SSPN: variants seen among roughly 807,000 people sequenced by gnomAD.
SSPN encodes the protein K-ras oncogene-associated protein.
SSPN carries 15 observed loss-of-function variants against 19.1 expected under a neutral mutation model. That is an observed-to-expected ratio of 0.78 (90% CI 0.52 to 1.21). The LOEUF is 1.21. Ranked by LOEUF, SSPN falls within the 50% of genes most tolerant of loss-of-function variation. The pLI is 0.00. For synonymous variants in SSPN, 147 were observed against 140.3 expected (o/e 1.05, Z -0.34); for missense variants, 291 against 314.0 (o/e 0.93, Z 0.55).
At chr12:26,199,777 T>C (rs1944861935) in intron 1 of SSPN, among the ~76,000 whole-genome samples, 1 of 152,240 alleles carries the variant, frequency 6.6e-6, no homozygotes, top group Admixed American at 6.5e-5. Context: ...CCCTTCCTCA[T>C]TCAGTAACAT....
exon 1 of SSPN, chr12:26,122,109 G>A (rs2137384532): frequency 1.3e-6 from 2 of 1,549,672 alleles, no homozygotes; most frequent in Admixed American, 2.0e-5. Flanking sequence ...TTCCTGAGCA[G>A]AGCTCTCCGG....
intron 1 of SSPN, among the ~76,000 whole-genome samples, chr12:26,152,468 T>C (rs1944531474): frequency 1.3e-5 from 2 of 152,184 alleles, no homozygotes; most frequent in Non-Finnish European, 2.9e-5. Context: ...TTCCTGAAAA[T>C]TTAAGAACTG....
chr12:26,208,018 T>TGG (rs57868336), intron 1 of SSPN, among the ~76,000 whole-genome samples: 2,413 of 134,508 alleles, frequency 0.018, 32 homozygotes, highest in Non-Finnish European at 0.029. Context: ...GTGGTGGTGG[T>TGG]GGGGGGGGGG....
chr12:26,161,704 T>C lies in SSPN; in HGVS notation c.-31+39552T>C, dbSNP rs978102003. Among the ~76,000 whole-genome samples, 4 of 152,336 alleles carry C rather than the reference T, an allele frequency of 2.6e-5. No homozygotes were observed. In the East Asian group the frequency reaches 5.8e-4, roughly 22 times the overall value. On this transcript the variant is annotated intron_variant, in intron 1 of 2. Coordinates refer to the SSPN transcript ENST00000538142. ...TTTTTGGTACCAGGGACCAGTTTCA[T>C]GGAAGACAATTTTTCCAAAGACATG...
chr12:26,125,131 A>C, intron 1 of SSPN: 1 of 290,280 alleles, frequency 3.4e-6, no homozygotes, highest in South Asian at 2.9e-5. Flanking sequence ...GCGGGGGAGG[A>C]GGGGCCGGGC....
intron 1 of SSPN, chr12:26,122,373 G>A: frequency 1.4e-5 from 17 of 1,198,738 alleles, no homozygotes; most frequent in Non-Finnish European, 1.8e-5. Context: ...CGGGGCGGCA[G>A]CCGCCGCCGG....
At chr12:26,185,159 G>A (rs1944744732) in intron 1 of SSPN, among the ~76,000 whole-genome samples, 1 of 152,154 alleles carries the variant, frequency 6.6e-6, no homozygotes, top group Non-Finnish European at 1.5e-5. Flanking sequence ...AAATTTACAT[G>A]ATGTAGTCAA....
upstream of SSPN, among the ~76,000 whole-genome samples, chr12:26,193,142 G>A (rs1040912654): frequency 2.0e-5 from 3 of 152,132 alleles, no homozygotes; most frequent in African/African-American, 7.2e-5. Flanking sequence ...GTAATTCACT[G>A]TATTATAGAT....
chr12:26,137,654 ATATTTTTTTTTTTTTT>A lies in SSPN; in HGVS notation c.-31+15504_-31+15519del, dbSNP rs1160679578. 5.6e-4 allele frequency among the ~76,000 whole-genome samples: 31 copies of A among 55,036 alleles called. 3 individuals carry two copies. The highest frequency in any genetic ancestry group is 2.9e-3 in the African/African-American group (31 of 10,832). The allele number at this position is 55,036 out of a possible 152,430, so 36.1% of individuals were successfully genotyped here. A position where few individuals can be genotyped will look rare whatever the true frequency, so the allele number is the denominator to read the frequency against. On this transcript the variant is annotated intron_variant, in intron 1 of 2. Transcript: ENST00000538142. Reference sequence around the variant, plus strand: ...TGTGTATGTATATATATATATATATATATTTTTTTTTTTTTTTTTTTTTTTTTTGAGATGGAGTCTT... The same window carrying A: ...TGTGTATGTATATATATATATATATATTTTTTTTTTTTGAGATGGAGTCTT...
chr12:26,180,406 G>C (rs1169158955), intron 1 of SSPN: 1 of 152,128 alleles, frequency 6.6e-6, no homozygotes, highest in Admixed American at 6.5e-5. Flanking sequence ...TTAGGTGCTT[G>C]CAGAACATAG....
In SSPN at chr12:26,232,076, G is replaced by C; in HGVS notation, c.*1000G>C. On this transcript the variant is annotated 3_prime_UTR_variant, in exon 3 of 3. Transcript: ENST00000242729. ...AACAAAAACAAGAGCATTTGTAATA[G>C]GAAGTGTTTATACAAACAGCACATT... 3.0e-6 allele frequency: 3 copies of C among 985,392 alleles called. No individual in the cohort carries two copies. The highest frequency in any genetic ancestry group is 2.4e-6 in the Non-Finnish European group (2 of 829,920). 61.0% of individuals were successfully genotyped at this position (985,392 alleles called of 1,614,324 possible).
In SSPN at chr12:26,195,638, C is replaced by T; in HGVS notation, c.-35C>T. On this transcript the variant is annotated 5_prime_UTR_variant, in exon 1 of 3. Transcript: ENST00000242729. ...GCGCTCCAGGGCCCAGGGCGCCGCACACGCACCCACCCACCCACCCAGCCT... is the reference window on the plus strand; with the variant it reads ...GCGCTCCAGGGCCCAGGGCGCCGCATACGCACCCACCCACCCACCCAGCCT... 1 of 1,262,866 alleles carries T rather than the reference C, an allele frequency of 7.9e-7. No homozygotes were observed. Among genetic ancestry groups the T allele is most frequent in the Non-Finnish European group, 1.0e-6 (1 of 1,004,796 alleles). 78.2% of individuals were successfully genotyped at this position (1,262,866 alleles called of 1,614,324 possible).
At position 26,234,698 on chromosome 12, in the gene SSPN, T is replaced by A. The variant is rs1444455372; in HGVS notation, c.*3622T>A. 3 of 152,222 alleles carry A rather than the reference T, an allele frequency of 2.0e-5. No homozygotes were observed. Among genetic ancestry groups the A allele is most frequent in the Non-Finnish European group, 4.4e-5 (3 of 68,034 alleles). The allele number at this position is 152,222 out of a possible 1,614,324, so 9.4% of individuals were successfully genotyped here. ...AAATACAAAATAAAGCATTTCTACATGTTTGAGGTGGTTGTTTTTAAAGGG... is the reference window on the plus strand; with the variant it reads ...AAATACAAAATAAAGCATTTCTACAAGTTTGAGGTGGTTGTTTTTAAAGGG... On this transcript the variant is annotated 3_prime_UTR_variant, in exon 3 of 3. Coordinates refer to ENST00000242729, the MANE Select transcript of SSPN (RefSeq NM_005086.5).
intron 2 of SSPN, among the ~76,000 whole-genome samples, chr12:26,227,208 G>T (rs915314933): frequency 2.6e-5 from 4 of 152,284 alleles, no homozygotes; most frequent in African/African-American, 9.6e-5. Context: ...TGTCAGATGA[G>T]TTAAAAGCCA....
At chr12:26,149,920 G>C (rs1200886542) in intron 1 of SSPN, among the ~76,000 whole-genome samples, 1 of 152,040 alleles carries the variant, frequency 6.6e-6, no homozygotes, top group Non-Finnish European at 1.5e-5. Flanking sequence ...AATTTTTAAG[G>C]AGAGGTTCTA....
At chr12:26,194,693 A>G (rs779519880), upstream of SSPN, among the ~76,000 whole-genome samples, 1 of 152,136 alleles carries the variant, frequency 6.6e-6, no homozygotes, top group African/African-American at 2.4e-5. Flanking sequence ...AAAAACAAAT[A>G]CACGTGAGAG....
chr12:26,127,917 A>G (rs557580546), intron 1 of SSPN, among the ~76,000 whole-genome samples: 1 of 152,328 alleles, frequency 6.6e-6, no homozygotes, highest in African/African-American at 2.4e-5. Flanking sequence ...ACAACTATAT[A>G]GCCTTTAAGA....
intron 1 of SSPN, among the ~76,000 whole-genome samples, chr12:26,200,469 C>T (rs1217642277): frequency 1.3e-5 from 2 of 151,970 alleles, no homozygotes; most frequent in African/African-American, 4.8e-5. Context: ...CAGAATATAC[C>T]ATGAAACTCA....
rs776380314 is a variant in SSPN at position 26,213,568 on chromosome 12, G to A, written c.280-10725G>A. ...CAGTTCCCTTTTGTTGTCCTTTCTCGGGGGCATTCATAGGTTGTCTATGAA... is the reference window on the plus strand; with the variant it reads ...CAGTTCCCTTTTGTTGTCCTTTCTCAGGGGCATTCATAGGTTGTCTATGAA... On this transcript the variant is annotated intron_variant, in intron 1 of 2. Coordinates refer to ENST00000242729, the MANE Select transcript of SSPN (RefSeq NM_005086.5). Among the ~76,000 whole-genome samples, 32 of 151,792 alleles carry A rather than the reference G, an allele frequency of 2.1e-4. No homozygotes were observed. The South Asian group carries it at 2.7e-3, about 13-fold the overall frequency.
Sources: gnomAD v4.1 joint callset for allele counts (sites outside exome capture counted in the v4.1 genomes callset) on GRCh38, gnomAD v4.1.1 for gene constraint, MANE v1.5 for transcripts, NCBI Gene and HGNC (gene_info 2026-07-23, HGNC 2026-07-21) for gene names.